Variants in ALDH1L1 observed in about 807,000 individuals in gnomAD.
The protein encoded by ALDH1L1 is cytosolic 10-formyltetrahydrofolate dehydrogenase.
ALDH1L1 carries 68 observed loss-of-function variants against 101.1 expected under a neutral mutation model. The ratio of observed to expected loss-of-function variants is 0.67; its 90% CI spans 0.55 to 0.82. The LOEUF (loss-of-function observed/expected upper bound fraction) is 0.82, where lower values mean the gene tolerates loss of function less well. Ranked by LOEUF, ALDH1L1 falls within the 40% of genes least tolerant of loss-of-function variation. The pLI, the probability that ALDH1L1 is intolerant of heterozygous loss-of-function variation, is 0.00. For synonymous variants in ALDH1L1, 486 were observed against 470.8 expected, an observed-to-expected ratio of 1.03 and a Z score of -0.42; for missense variants, 1,087 against 1,172.7, an observed-to-expected ratio of 0.93 and a Z score of 1.07.
intron 1 of ALDH1L1, chr3:126,179,746 A>G (rs1576504656): frequency 6.6e-6 from 1 of 152,382 alleles, no homozygotes; most frequent in East Asian, 1.9e-4. Context: ...CCAAACTCCA[A>G]GTCTGGGACT....
At chr3:126,191,653 C>G (rs2081554088) in intron 1 of ALDH1L1, among the ~76,000 whole-genome samples, 1 of 152,206 alleles carries the variant, frequency 6.6e-6, no homozygotes, top group Non-Finnish European at 1.5e-5. Context: ...CAGAAAACCT[C>G]TTCACTGTCT....
chr3:126,117,965 C>T (rs556288278), intron 17 of ALDH1L1, 40 bp downstream of exon 17: 1 of 1,560,022 alleles, frequency 6.4e-7, no homozygotes, highest in South Asian at 1.1e-5. Flanking sequence ...CAGGCGCAGC[C>T]CACAGCAGCC....
At chr3:126,162,121 G>A (rs2081070952) in intron 1 of ALDH1L1, among the ~76,000 whole-genome samples, 1 of 152,114 alleles carries the variant, frequency 6.6e-6, no homozygotes, top group Admixed American at 6.6e-5. Context: ...TATTGTTAAT[G>A]GAATTTGGGT....
Position 126,135,499 on chromosome 3 carries a change from G to A in ALDH1L1, c.1472+36C>T, listed in dbSNP as rs754396894. 3.8e-6 allele frequency: 6 copies of A among 1,594,154 alleles called. No homozygotes were observed. In the South Asian group the frequency reaches 5.6e-5, roughly 15 times the overall value. ...CCGTGCCACTGCCCAGAAGCTGATG[G>A]TGGCAGTGGCTGGCAGGTACATGTT... On this transcript the variant is annotated intron_variant, in intron 12 of 22. Coordinates refer to ENST00000393434, the MANE Select transcript of ALDH1L1 (RefSeq NM_012190.4).
At chr3:126,160,581 C>G in intron 2 of ALDH1L1, 1 of 426,082 alleles carries the variant, frequency 2.3e-6, no homozygotes, top group Non-Finnish European at 4.2e-6. Context: ...CTGTGTGGGA[C>G]CTGGGACCAG....
intron 15 of ALDH1L1, among the ~76,000 whole-genome samples, chr3:126,125,110 C>G (rs2080155125): frequency 6.6e-6 from 1 of 152,098 alleles, no homozygotes; most frequent in African/African-American, 2.4e-5. Context: ...CCTGGGTGAC[C>G]CCTGACATCC....
intron 19 of ALDH1L1, among the ~76,000 whole-genome samples, 182 bp downstream of exon 19, chr3:126,112,598 AAT>A (rs1946113213): frequency 6.6e-6 from 1 of 152,150 alleles, no homozygotes. Flanking sequence ...TTGGTGAAAT[AAT>A]AAAATCCAGT....
intron 21 of ALDH1L1, among the ~76,000 whole-genome samples, chr3:126,106,532 T>G (rs1171547518): frequency 6.6e-6 from 1 of 152,150 alleles, no homozygotes; most frequent in Non-Finnish European, 1.5e-5. Flanking sequence ...TCTGGGTGAC[T>G]TGCTTCATCA....
chr3:126,178,590 C>T (rs994213501), intron 1 of ALDH1L1, among the ~76,000 whole-genome samples: 1 of 152,024 alleles, frequency 6.6e-6, no homozygotes, highest in African/African-American at 2.4e-5. Context: ...CTCTAAAATA[C>T]AGTCCAATTG....
chr3:126,147,725 T>C lies in ALDH1L1; in HGVS notation c.985-799A>G, dbSNP rs989523361. 7.9e-5 allele frequency among the ~76,000 whole-genome samples: 12 copies of C among 152,226 alleles called. No homozygotes were observed. The East Asian group carries it at 2.1e-3, about 27-fold the overall frequency. ...ATGGGCCCAGGTTGGGGGTGAGGCA[T>C]GAGATGCTGGTCCAGGCCCAATCAG... On this transcript the variant is annotated intron_variant, in intron 8 of 22. Transcript: ENST00000393434.
chr3:126,165,535 G>A (rs2081149550), intron 1 of ALDH1L1, among the ~76,000 whole-genome samples: 1 of 152,144 alleles, frequency 6.6e-6, no homozygotes, highest in Non-Finnish European at 1.5e-5. Context: ...ATAATTCAGT[G>A]TGAATCCATC....
chr3:126,170,390 T>C (rs1195484535), intron 1 of ALDH1L1, among the ~76,000 whole-genome samples: 3 of 136,612 alleles, frequency 2.2e-5, no homozygotes, highest in African/African-American at 8.4e-5. Context: ...AAATAACACA[T>C]GGGTCTTTCC....
intron 10 of ALDH1L1, 107 bp from the exon 11 acceptor site, chr3:126,136,990 C>T (rs1342068646): frequency 1.4e-6 from 2 of 1,462,064 alleles, no homozygotes; most frequent in East Asian, 2.3e-5. Flanking sequence ...CCTCCTGGGG[C>T]TTCAGAGCTG....
chr3:126,185,008 C>A (rs2081505590), upstream of ALDH1L1, among the ~76,000 whole-genome samples: 1 of 152,218 alleles, frequency 6.6e-6, no homozygotes, highest in African/African-American at 2.4e-5. Context: ...AGAACCTCTC[C>A]CCAGTGGGAA....
intron 9 of ALDH1L1, among the ~76,000 whole-genome samples, chr3:126,142,076 G>A (rs1167129230): frequency 2.0e-5 from 3 of 149,768 alleles, no homozygotes; most frequent in Admixed American, 6.6e-5. Context: ...AAATTATATG[G>A]CAACAGATTT....
Position 126,179,924 on chromosome 3 carries a change from G to A in ALDH1L1, c.-24+552C>T, listed in dbSNP as rs1040537325. 2 of 152,192 alleles carry A rather than the reference G, an allele frequency of 1.3e-5. 1 individual carries two copies. The highest frequency in any genetic ancestry group is 4.8e-5 in the African/African-American group (2 of 41,450). 9.4% of individuals were successfully genotyped at this position (152,192 alleles called of 1,614,324 possible). A position where few individuals can be genotyped will look rare whatever the true frequency, so the allele number is the denominator to read the frequency against. Reference sequence around the variant, plus strand: ...GACCGTCCACTTGAGCGCAGTGGCTGGAGCTGGGACTCCAGCGCAGCCCCT... The same window carrying A: ...GACCGTCCACTTGAGCGCAGTGGCTAGAGCTGGGACTCCAGCGCAGCCCCT... On this transcript the variant is annotated intron_variant, in intron 1 of 22. Coordinates refer to ENST00000393434, the MANE Select transcript of ALDH1L1 (RefSeq NM_012190.4).
At position 126,154,627 on chromosome 3, in the gene ALDH1L1, G is replaced by A. The variant is rs150865017; in HGVS notation, c.647C>T (p.Pro216Leu). The change falls in exon 6 of 23, where the codon CCG (proline) becomes CTG (leucine). Residue 216 changes from proline (P) to leucine (L), a missense_variant. Physicochemically the swap from Pro to Leu is moderately conservative, Grantham distance 98. This residue lies in a region of ALDH1L1 where 645 missense variants were observed against 637.0 expected (regional missense o/e 1.01). Transcript: ENST00000393434. The stretch of plus-strand genomic sequence containing the variant: ...GATCCAGTTGTGAATGGCCTCTGCC[G>A]GCTGGTCCCAGTTGATCTGTGGGGA... The part of the protein sequence containing the change: ...KETAKINWDQ[P>L]AEAIHNWIRG... 9.3e-6 allele frequency: 15 copies of A among 1,614,094 alleles called. No individual in the cohort carries two copies. The highest frequency in any genetic ancestry group is 1.3e-5 in the Non-Finnish European group (15 of 1,180,014).
intron 22 of ALDH1L1, chr3:126,105,405 G>T (rs1945829938): frequency 2.6e-6 from 1 of 388,474 alleles, no homozygotes; most frequent in Non-Finnish European, 4.9e-6. Context: ...CGGGCCCCTG[G>T]GTCTTCATGG....
intron 1 of ALDH1L1, among the ~76,000 whole-genome samples, chr3:126,191,147 A>G (rs1401004446): frequency 6.6e-6 from 1 of 152,248 alleles, no homozygotes; most frequent in Non-Finnish European, 1.5e-5. Flanking sequence ...AGCCAGAGGT[A>G]GCAGAGTGCA....
Sources: gnomAD v4.1 joint callset for allele counts (sites outside exome capture counted in the v4.1 genomes callset) on GRCh38, gnomAD v4.1.1 for gene constraint, gnomAD v4.1.1 regional missense constraint, MANE v1.5 for transcripts, NCBI Gene and HGNC (gene_info 2026-07-23, HGNC 2026-07-21) for gene names.